Variants in DPP10 observed in about 807,000 individuals in gnomAD.
DPP10 encodes inactive dipeptidyl peptidase 10.
DPP10 carries 33 observed loss-of-function variants against 120.9 expected under a neutral mutation model. The ratio of observed to expected loss-of-function variants is 0.27; its 90% CI spans 0.21 to 0.37. The LOEUF is 0.37. Among genes scored for constraint, DPP10 ranks in the 10% least tolerant of loss-of-function variants. The pLI is 1.00. For synonymous variants in DPP10, 337 were observed against 326.1 expected, an observed-to-expected ratio of 1.03 and a Z score of -0.36; for missense variants, 816 against 942.8, an observed-to-expected ratio of 0.87 and a Z score of 1.76.
In DPP10 at chr2:115,055,472, C is replaced by T. The variant is rs139418023; in HGVS notation, c.61-253767C>T. Among the ~76,000 whole-genome samples, 6 of 151,976 alleles carry T rather than the reference C, an allele frequency of 3.9e-5. No individual in the cohort carries two copies. In the East Asian group the frequency reaches 7.8e-4, roughly 20 times the overall value. On this transcript the variant is annotated intron_variant, in intron 1 of 25. Transcript: ENST00000410059. ...TGTTTGAAAAAGTGGTAGAAGAAAA[C>T]GACAGGCGAAGAACCACTTAAACAG...
chr2:115,810,562 G>A (rs1475784387), intron 19 of DPP10, among the ~76,000 whole-genome samples: 1 of 149,954 alleles, frequency 6.7e-6, no homozygotes, highest in Non-Finnish European at 1.5e-5. Flanking sequence ...GACACATTCA[G>A]TGTTGAAGGT....
At chr2:115,484,951 G>C (rs927856082) in intron 3 of DPP10, among the ~76,000 whole-genome samples, 1 of 151,894 alleles carries the variant, frequency 6.6e-6, no homozygotes, top group Admixed American at 6.6e-5. Context: ...CGTGCCTGTA[G>C]TCCCAGCTAC....
At chr2:114,727,771 A>G (rs1468166555) in intron 1 of DPP10, among the ~76,000 whole-genome samples, 4 of 152,220 alleles carry the variant, frequency 2.6e-5, no homozygotes, top group African/African-American at 7.2e-5. Flanking sequence ...AGGAGGTACC[A>G]CAAATAGAAT....
At chr2:115,338,519 C>T (rs1461635008) in intron 2 of DPP10, among the ~76,000 whole-genome samples, 2 of 151,996 alleles carry the variant, frequency 1.3e-5, no homozygotes, top group Non-Finnish European at 2.9e-5. Context: ...CGCAGTGGCA[C>T]AGTCATAGCT....
At chr2:115,382,101 C>G (rs2090802) in intron 3 of DPP10, among the ~76,000 whole-genome samples, 8 of 152,088 alleles carry the variant, frequency 5.3e-5, no homozygotes, top group South Asian at 4.2e-4. Flanking sequence ...TGGAGCTTCC[C>G]GGCTGCTTTG....
intron 1 of DPP10, among the ~76,000 whole-genome samples, chr2:114,795,695 A>G (rs543849274): frequency 4.8e-4 from 73 of 152,304 alleles, no homozygotes; most frequent in African/African-American, 1.7e-3. Flanking sequence ...GACAATTTGA[A>G]AAAACTCACT....
rs116455546 is a variant in DPP10 at position 115,771,909 on chromosome 2, C to A, written c.1221+3505C>A. On this transcript the variant is annotated intron_variant, in intron 13 of 25. Transcript: ENST00000410059. ...ATATTATCAGTAAGTAGATAAAAAT[C>A]ATTAATTAGAGACCAAGCTAGACAA... Among the ~76,000 whole-genome samples, 1,285 of 152,116 alleles carry A rather than the reference C, an allele frequency of 8.4e-3. 20 individuals carry two copies. Among genetic ancestry groups the A allele is most frequent in the African/African-American group, 0.027 (1,132 of 41,486 alleles).
Position 115,240,579 on chromosome 2 carries a change from G to A in DPP10, c.61-68660G>A, listed in dbSNP as rs187989684. 3.7e-4 allele frequency among the ~76,000 whole-genome samples: 57 copies of A among 152,232 alleles called. No individual in the cohort carries two copies. The Middle Eastern group carries it at 0.017, about 45-fold the overall frequency. On this transcript the variant is annotated intron_variant, in intron 1 of 25. Transcript: ENST00000410059. ...GCAAAAATTTTTTCCAATTCTGTAG[G>A]TTATCTGTTCACTCTGCTCATAGTT...
rs1690220090 is a variant in DPP10 at position 115,842,194 on chromosome 2, T to C, written c.2257-17T>C. The C allele has an allele frequency of 6.4e-7, 1 of 1,559,016 alleles. No individual in the cohort carries two copies. The highest frequency in any genetic ancestry group is 1.2e-5 in the South Asian group (1 of 83,490). On this transcript the variant is annotated splice_polypyrimidine_tract_variant and intron_variant, in intron 25 of 25. Transcript: ENST00000410059. ...TTCTTGGATAATTTGAAATCTTCTT[T>C]CTCCTCAATATCTTAGGTCTACCCA...
chr2:114,648,386 T>C (rs1177961166), intron 1 of DPP10, among the ~76,000 whole-genome samples: 2 of 152,214 alleles, frequency 1.3e-5, no homozygotes, highest in Non-Finnish European at 2.9e-5. Context: ...TCTTCTTTTT[T>C]GGAGCCTTAG....
chr2:115,397,697 T>G (rs112783977), intron 3 of DPP10, among the ~76,000 whole-genome samples: 1,671 of 152,314 alleles, frequency 0.011, 25 homozygotes, highest in African/African-American at 0.035. Context: ...CACTTTAGTT[T>G]CTGACTAATT....
rs1701770088 is a variant in DPP10, at chr2:115,005,686, GA to G, written c.61-303552del. ...TAGAGAAAAAAGAATAAAAAGAAAT[GA>G]GCAAAGCCTCCAAGAAATATGGGAC... On this transcript the variant is annotated intron_variant, in intron 1 of 25. Coordinates refer to ENST00000410059, the MANE Select transcript of DPP10 (RefSeq NM_020868.6). 2.0e-5 allele frequency among the ~76,000 whole-genome samples: 3 copies of G among 152,150 alleles called. No individual in the cohort carries two copies. In the South Asian group the frequency reaches 6.2e-4, roughly 32 times the overall value.
rs140887471 is a variant in DPP10, at chr2:114,551,941, C to G, written c.60+109103C>G. On this transcript the variant is annotated intron_variant, in intron 1 of 25. Transcript: ENST00000410059. The stretch of plus-strand genomic sequence containing the variant: ...ATTGTAAATGAATTTATGATCCTGA[C>G]GAGAAAAAGGCATGAAAGGTACCCA... 9.7e-4 allele frequency among the ~76,000 whole-genome samples: 147 copies of G among 152,114 alleles called. 1 individual carries two copies. Among genetic ancestry groups the G allele is most frequent in the African/African-American group, 3.5e-3 (145 of 41,490 alleles).
chr2:114,450,743 G>T (rs1465968224), intron 1 of DPP10, among the ~76,000 whole-genome samples: 1 of 149,692 alleles, frequency 6.7e-6, no homozygotes, highest in African/African-American at 2.4e-5. Flanking sequence ...AAAAAAAAAA[G>T]GTTTTGCATT....
intron 1 of DPP10, among the ~76,000 whole-genome samples, chr2:114,918,158 C>T (rs771900953): frequency 1.3e-5 from 2 of 152,004 alleles, no homozygotes; most frequent in Non-Finnish European, 2.9e-5. Flanking sequence ...TAGACACTTC[C>T]CAAAAGACGA....
At chr2:114,663,985 G>A (rs138489171) in intron 1 of DPP10, among the ~76,000 whole-genome samples, 6 of 152,058 alleles carry the variant, frequency 3.9e-5, no homozygotes, top group South Asian at 2.1e-4. Context: ...GGGAAGGAGC[G>A]TAAGTGTGCA....
chr2:114,715,706 A>C (rs1259812539), intron 1 of DPP10, among the ~76,000 whole-genome samples: 1 of 152,096 alleles, frequency 6.6e-6, no homozygotes, highest in Admixed American at 6.6e-5. Flanking sequence ...TTGTTCCAGT[A>C]CAAAAAAGCT....
intron 1 of DPP10, among the ~76,000 whole-genome samples, chr2:115,238,012 C>T (rs1254537913): frequency 1.3e-5 from 2 of 152,176 alleles, no homozygotes; most frequent in East Asian, 3.9e-4. Flanking sequence ...GTTGGCCACA[C>T]TAGACAACAA....
At chr2:115,426,898 T>C (rs1013912109) in intron 3 of DPP10, among the ~76,000 whole-genome samples, 3 of 152,222 alleles carry the variant, frequency 2.0e-5, no homozygotes, top group African/African-American at 7.2e-5. Context: ...GGCAAGTCTT[T>C]TCCACCTATA....
Sources: gnomAD v4.1 joint callset for allele counts (sites outside exome capture counted in the v4.1 genomes callset) on GRCh38, gnomAD v4.1.1 for gene constraint, MANE v1.5 for transcripts, NCBI Gene and HGNC (gene_info 2026-07-23, HGNC 2026-07-21) for gene names.